Variants in CAMKMT observed in about 807,000 individuals in gnomAD.
CAMKMT encodes the protein CaM KMT.
CAMKMT carries 53 observed loss-of-function variants against 48.0 expected under a neutral mutation model. That is an observed-to-expected ratio of 1.10 (90% CI 0.89 to 1.39). The LOEUF is 1.39. Among genes scored for constraint, CAMKMT ranks in the 40% most tolerant of loss-of-function variants. The probability of loss-of-function intolerance (pLI) is 0.00; values close to 1 mark genes in which losing one functional copy is unlikely to be tolerated. For synonymous variants in CAMKMT, 165 were observed against 152.3 expected (o/e 1.08, Z -0.61); for missense variants, 428 against 402.7 (o/e 1.06, Z -0.54).
chr2:44,611,189 T>C (rs1671577755), intron 3 of CAMKMT, among the ~76,000 whole-genome samples: 2 of 152,114 alleles, frequency 1.3e-5, no homozygotes, highest in Admixed American at 6.5e-5. Flanking sequence ...CCCAGCACTT[T>C]GGGAGGCTGA....
At chr2:44,607,623 T>C (rs1313879169) in intron 3 of CAMKMT, among the ~76,000 whole-genome samples, 1 of 152,208 alleles carries the variant, frequency 6.6e-6, no homozygotes. Flanking sequence ...GTGTTTTATG[T>C]ACCATAATGA....
At chr2:44,518,338 T>C (rs1250725364) in intron 3 of CAMKMT, among the ~76,000 whole-genome samples, 5 of 152,208 alleles carry the variant, frequency 3.3e-5, no homozygotes, top group Admixed American at 1.3e-4. Flanking sequence ...ACTGGCTTTA[T>C]TGGTTTCTGT....
intron 3 of CAMKMT, among the ~76,000 whole-genome samples, chr2:44,484,924 C>T (rs190518216): frequency 2.6e-5 from 4 of 152,152 alleles, no homozygotes; most frequent in Admixed American, 1.3e-4. Flanking sequence ...TGAACAGGCA[C>T]TTCACGAACA....
At chr2:44,631,599 C>A in intron 3 of CAMKMT, 1 of 522,652 alleles carries the variant, frequency 1.9e-6, no homozygotes, top group Non-Finnish European at 3.3e-6. Context: ...CTGCTCCCAG[C>A]TGTGTATGCA....
At chr2:44,414,683 C>G (rs1030943806) in intron 3 of CAMKMT, among the ~76,000 whole-genome samples, 2 of 152,162 alleles carry the variant, frequency 1.3e-5, no homozygotes, top group Admixed American at 1.3e-4. Context: ...GGGGACTACA[C>G]AGGGTGGAAA....
At position 44,772,254 on chromosome 2, in the gene CAMKMT, C is replaced by T. The variant is rs1681147483; in HGVS notation, c.*141C>T. The T allele has an allele frequency of 7.9e-6, 5 of 632,976 alleles. No individual in the cohort carries two copies. In the Admixed American group the frequency reaches 8.7e-5, roughly 11 times the overall value. The allele number at this position is 632,976 out of a possible 1,614,324, so 39.2% of individuals were successfully genotyped here. ...GTGTGGGCTATGGACTCCACCTGTCCTCACCCACGTTATTCCCCAGCTGCC... is the reference window on the plus strand; with the variant it reads ...GTGTGGGCTATGGACTCCACCTGTCTTCACCCACGTTATTCCCCAGCTGCC... On this transcript the variant is annotated 3_prime_UTR_variant, in exon 11 of 11. Coordinates refer to ENST00000378494, the MANE Select transcript of CAMKMT (RefSeq NM_024766.5).
At chr2:44,722,854 T>G (rs146941605) in intron 7 of CAMKMT, among the ~76,000 whole-genome samples, 98 of 152,280 alleles carry the variant, frequency 6.4e-4, no homozygotes, top group African/African-American at 2.3e-3. Flanking sequence ...AAAATATAAT[T>G]AGTAAAATAA....
intron 3 of CAMKMT, among the ~76,000 whole-genome samples, chr2:44,698,319 T>C (rs1243422880): frequency 1.3e-5 from 2 of 152,238 alleles, no homozygotes; most frequent in Admixed American, 6.5e-5. Flanking sequence ...ATACCTATTC[T>C]GGATATTTCA....
intron 3 of CAMKMT, among the ~76,000 whole-genome samples, chr2:44,406,554 G>T (rs1035175443): frequency 1.3e-5 from 2 of 151,868 alleles, no homozygotes. Flanking sequence ...TGTTTTATTG[G>T]TAAGTTTTCT....
chr2:44,718,959 A>T (rs745531652), intron 7 of CAMKMT, among the ~76,000 whole-genome samples: 2 of 152,148 alleles, frequency 1.3e-5, no homozygotes, highest in Non-Finnish European at 2.9e-5. Context: ...TTAAAGATTT[A>T]TGCCTCCTCT....
intron 3 of CAMKMT, among the ~76,000 whole-genome samples, chr2:44,468,535 G>C (rs1354721828): frequency 1.3e-5 from 2 of 152,164 alleles, no homozygotes; most frequent in Non-Finnish European, 2.9e-5. Context: ...GTATATTGAA[G>C]AGCTATCTGC....
intron 3 of CAMKMT, among the ~76,000 whole-genome samples, chr2:44,582,166 C>A (rs1041325054): frequency 6.6e-6 from 1 of 152,152 alleles, no homozygotes; most frequent in Non-Finnish European, 1.5e-5. Flanking sequence ...CTAAACCGGG[C>A]CTTTCTGAAA....
chr2:44,392,295 T>G (rs1212537532), intron 3 of CAMKMT, among the ~76,000 whole-genome samples: 1 of 152,114 alleles, frequency 6.6e-6, no homozygotes, highest in African/African-American at 2.4e-5. Context: ...AAATAAGACC[T>G]CTTAAAATAT....
chr2:44,383,645 G>A (rs957294420), intron 2 of CAMKMT, among the ~76,000 whole-genome samples: 4 of 152,040 alleles, frequency 2.6e-5, no homozygotes, highest in East Asian at 1.9e-4. Context: ...ACTCTTCCCC[G>A]CAAGTCCCCA....
At chr2:44,498,976 T>C (rs913404728) in intron 3 of CAMKMT, among the ~76,000 whole-genome samples, 2 of 152,220 alleles carry the variant, frequency 1.3e-5, no homozygotes, top group African/African-American at 4.8e-5. Context: ...TGGGTTGGCA[T>C]AGTGTGAGCA....
chr2:44,652,836 G>A (rs1674157826), intron 3 of CAMKMT, among the ~76,000 whole-genome samples: 1 of 152,190 alleles, frequency 6.6e-6, no homozygotes, highest in Admixed American at 6.5e-5. Flanking sequence ...GACATCCACT[G>A]ACTCCCTAGT....
At chr2:44,652,485 TG>T (rs944739224) in intron 3 of CAMKMT, among the ~76,000 whole-genome samples, 1 of 152,210 alleles carries the variant, frequency 6.6e-6, no homozygotes, top group Admixed American at 6.5e-5. Context: ...ACAACCCCTC[TG>T]GGGTCTCCAC....
At chr2:44,495,910 C>T (rs1669730785) in intron 3 of CAMKMT, among the ~76,000 whole-genome samples, 1 of 152,160 alleles carries the variant, frequency 6.6e-6, no homozygotes, top group South Asian at 2.1e-4. Flanking sequence ...TCAGTTTCTT[C>T]CACGTATAAT....
intron 3 of CAMKMT, among the ~76,000 whole-genome samples, chr2:44,508,702 C>T (rs1280405308): frequency 6.6e-6 from 1 of 151,916 alleles, no homozygotes; most frequent in African/African-American, 2.4e-5. Flanking sequence ...GTAAATAATC[C>T]TATGATAAAT....
Sources: allele counts gnomAD v4.1 joint callset (sites outside exome capture counted in the v4.1 genomes callset), GRCh38; gene constraint gnomAD v4.1.1; transcripts MANE v1.5; gene names NCBI Gene and HGNC (gene_info 2026-07-23, HGNC 2026-07-21).